The following KCNIP4 variants were observed in gnomAD, a reference collection of about 807,000 sequenced individuals.
KCNIP4 encodes Kv channel-interacting protein 4.
A neutral mutation model predicts 34.0 loss-of-function variants in KCNIP4; 12 were observed. The observed-to-expected ratio is 0.35, with a 90% confidence interval of 0.23 to 0.57. The LOEUF (loss-of-function observed/expected upper bound fraction) is 0.57. Ranked by LOEUF, KCNIP4 falls within the 20% of genes least tolerant of loss-of-function variation. KCNIP4 has a pLI of 0.83. For missense variants in KCNIP4, 238 were observed against 311.7 expected (o/e 0.76, Z 1.78); for synonymous variants, 124 against 102.2 (o/e 1.21, Z -1.29).
chr4:21,058,099 G>T (rs954371467), intron 1 of KCNIP4, among the ~76,000 whole-genome samples: 1 of 152,072 alleles, frequency 6.6e-6, no homozygotes, highest in Non-Finnish European at 1.5e-5. Flanking sequence ...AGAATTCAAT[G>T]ACTCAGGTTG....
At chr4:20,850,859 A>T (rs1560513732) in intron 2 of KCNIP4, 192 bp from the exon 3 acceptor site, 3 of 480,414 alleles carry the variant, frequency 6.2e-6, no homozygotes, top group South Asian at 1.2e-4. Flanking sequence ...CTTGTATATG[A>T]TTTTTTTGCA....
intron 4 of KCNIP4, among the ~76,000 whole-genome samples, chr4:20,757,632 G>A (rs1754591127): frequency 6.6e-6 from 1 of 152,098 alleles, no homozygotes; most frequent in African/African-American, 2.4e-5. Context: ...AAAATGTCAT[G>A]TCCCTACTGC....
chr4:21,788,128 C>T (rs1356711189), intron 1 of KCNIP4, among the ~76,000 whole-genome samples: 2 of 152,246 alleles, frequency 1.3e-5, no homozygotes, highest in East Asian at 1.9e-4. Context: ...AAGTAAACCA[C>T]ACTGGACATT....
intron 1 of KCNIP4, among the ~76,000 whole-genome samples, chr4:21,862,148 C>A (rs1354203916): frequency 6.6e-6 from 1 of 152,136 alleles, no homozygotes; most frequent in Non-Finnish European, 1.5e-5. Flanking sequence ...GCCTTGCTGG[C>A]CATCTAATCT....
At chr4:21,123,953 T>C (rs1401002645) in intron 1 of KCNIP4, among the ~76,000 whole-genome samples, 2 of 151,886 alleles carry the variant, frequency 1.3e-5, no homozygotes, top group African/African-American at 4.8e-5. Flanking sequence ...AAAATAAATG[T>C]CCGTTGCTTA....
chr4:21,268,393 A>G (rs1761947221), intron 1 of KCNIP4, among the ~76,000 whole-genome samples: 4 of 152,164 alleles, frequency 2.6e-5, no homozygotes, highest in Admixed American at 2.6e-4. Context: ...AGTGCTCTCA[A>G]TGTTTATAAA....
At chr4:21,306,521 C>T (rs372209470) in intron 1 of KCNIP4, among the ~76,000 whole-genome samples, 1 of 152,166 alleles carries the variant, frequency 6.6e-6, no homozygotes, top group African/African-American at 2.4e-5. Flanking sequence ...GGATTACATG[C>T]ATGGGCTACC....
chr4:21,240,232 G>A (rs1577945511), intron 1 of KCNIP4, among the ~76,000 whole-genome samples: 1 of 106,750 alleles, frequency 9.4e-6, no homozygotes, highest in East Asian at 3.3e-4. Context: ...TGTGGGGTGG[G>A]GGGAGGGGGG....
intron 1 of KCNIP4, among the ~76,000 whole-genome samples, chr4:20,918,760 C>G (rs1412429454): frequency 1.3e-5 from 2 of 152,128 alleles, no homozygotes; most frequent in Admixed American, 6.5e-5. Flanking sequence ...GTCTATTACC[C>G]AGGAATGCAC....
chr4:21,349,042 G>C (rs1446128171), intron 1 of KCNIP4, among the ~76,000 whole-genome samples: 1 of 152,180 alleles, frequency 6.6e-6, no homozygotes, highest in African/African-American at 2.4e-5. Context: ...GATTAAATAA[G>C]ATATGGTTCA....
At chr4:20,828,421 G>A (rs766084879) in intron 3 of KCNIP4, among the ~76,000 whole-genome samples, 11 of 152,166 alleles carry the variant, frequency 7.2e-5, no homozygotes, top group Non-Finnish European at 1.3e-4. Flanking sequence ...GCAAGACTCC[G>A]TCTAAAACAA....
At chr4:21,319,901 G>A (rs961693771) in intron 1 of KCNIP4, among the ~76,000 whole-genome samples, 1 of 152,128 alleles carries the variant, frequency 6.6e-6, no homozygotes, top group African/African-American at 2.4e-5. Context: ...AAAGAAAAAA[G>A]AATAGGATAG....
chr4:21,667,292 G>A (rs1235409874), intron 1 of KCNIP4, among the ~76,000 whole-genome samples: 1 of 152,160 alleles, frequency 6.6e-6, no homozygotes, highest in Non-Finnish European at 1.5e-5. Flanking sequence ...GGATATTTGA[G>A]CAGTCCCAAC....
chr4:20,814,092 T>A (rs965729356), intron 3 of KCNIP4, among the ~76,000 whole-genome samples: 1 of 152,154 alleles, frequency 6.6e-6, no homozygotes, highest in African/African-American at 2.4e-5. Context: ...TAGAACCTCA[T>A]CCACATCGTA....
intron 1 of KCNIP4, among the ~76,000 whole-genome samples, chr4:20,933,875 A>G (rs749071319): frequency 2.0e-5 from 3 of 152,196 alleles, no homozygotes; most frequent in Non-Finnish European, 2.9e-5. Flanking sequence ...TGTACTGGAA[A>G]AACCCTAAGT....
At chr4:21,622,991 T>C (rs750238179) in intron 1 of KCNIP4, among the ~76,000 whole-genome samples, 52 of 152,208 alleles carry the variant, frequency 3.4e-4, no homozygotes, top group Non-Finnish European at 6.6e-4. Flanking sequence ...TAACATTCAA[T>C]ATGATGGAGC....
intron 1 of KCNIP4, among the ~76,000 whole-genome samples, chr4:20,969,556 TTGTGTGTG>T (rs113668496): frequency 1.3e-5 from 2 of 149,596 alleles, no homozygotes; most frequent in African/African-American, 2.4e-5. Flanking sequence ...GCGTGTGTGT[TTGTGTGTG>T]TGTGTGTGTG....
chr4:20,946,410 A>G (rs1318311837), intron 1 of KCNIP4, among the ~76,000 whole-genome samples: 1 of 152,168 alleles, frequency 6.6e-6, no homozygotes, highest in Non-Finnish European at 1.5e-5. Context: ...CTGAGTGGTC[A>G]GATGGTGGTG....
Position 21,514,869 on chromosome 4 carries a change from G to C in KCNIP4, c.61+433702C>G, listed in dbSNP as rs78344696. On this transcript the variant is annotated intron_variant, in intron 1 of 8. Transcript: ENST00000382152. ...CTAAGCCTGATGTATTCATCTTCTGGGGGAGATGTGTGCCTGCAAGAAGAC... is the reference window on the plus strand; with the variant it reads ...CTAAGCCTGATGTATTCATCTTCTGCGGGAGATGTGTGCCTGCAAGAAGAC... 4.5e-3 allele frequency among the ~76,000 whole-genome samples: 689 copies of C among 152,174 alleles called. 5 individuals carry two copies. Among genetic ancestry groups the C allele is most frequent in the Middle Eastern group, 0.017 (5 of 294 alleles).
Sources: gnomAD v4.1 joint callset for allele counts (sites outside exome capture counted in the v4.1 genomes callset) on GRCh38, gnomAD v4.1.1 for gene constraint, MANE v1.5 for transcripts, NCBI Gene and HGNC (gene_info 2026-07-23, HGNC 2026-07-21) for gene names.